The following PCSK5 variants were observed in gnomAD, a reference collection of about 807,000 sequenced individuals.
The protein encoded by PCSK5 is proprotein convertase subtilisin/kexin type 5, also known as prohormone convertase 5.
Under a neutral mutation model 233.2 loss-of-function variants are expected in PCSK5, and 129 were observed. That is an observed-to-expected ratio of 0.55 (90% confidence interval 0.48 to 0.64). The LOEUF (loss-of-function observed/expected upper bound fraction) is 0.64, where lower values mean the gene tolerates loss of function less well. PCSK5 is among the 30% of genes least tolerant of loss of function. The pLI is 0.00. For missense variants in PCSK5, 2,076 were observed against 2,430.1 expected (o/e 0.85, Z 3.06); for synonymous variants, 825 against 879.2 (o/e 0.94, Z 1.09).
intron 35 of PCSK5, among the ~76,000 whole-genome samples, chr9:76,350,111 GAAAAA>G (rs33916148): frequency 6.9e-6 from 1 of 144,636 alleles, no homozygotes; most frequent in Admixed American, 6.9e-5. Flanking sequence ...GACCCCATCT[GAAAAA>G]AAAAAAAAAG....
chr9:76,207,098 C>G (rs939014991), intron 20 of PCSK5, among the ~76,000 whole-genome samples: 1 of 152,182 alleles, frequency 6.6e-6, no homozygotes, highest in African/African-American at 2.4e-5. Flanking sequence ...TCACCTTCTT[C>G]TGTAGTAAAT....
Position 76,328,191 on chromosome 9 carries a change from C to A in PCSK5, c.4522C>A (p.Pro1508Thr), listed in dbSNP as rs1463799109. 1 of 1,612,808 alleles carries A rather than the reference C, an allele frequency of 6.2e-7. No homozygotes were observed. The highest frequency in any genetic ancestry group is 2.2e-5 in the East Asian group (1 of 44,880). Residue 1508 changes from proline to threonine, a missense_variant, in exon 33 of 38, where the codon CCG (proline) becomes ACG (threonine). Around this residue, in one of 6 missense-constraint regions of PCSK5, gnomAD observed 1,510 missense variants for 1,538.1 expected, o/e 0.98. Transcript: ENST00000674117. ...CHVKCFHCMGPAEDQCQTCPM... is the reference protein window; with the variant it reads ...CHVKCFHCMGTAEDQCQTCPM... ...TGTTAAGTGCTTCCACTGCATGGGG[C>A]CGGCGGAGGACCAGTGTCAAACATG... is the stretch of plus-strand genomic sequence containing the variant.
At chr9:76,102,186 T>C (rs1459605989) in intron 8 of PCSK5, among the ~76,000 whole-genome samples, 2 of 152,172 alleles carry the variant, frequency 1.3e-5, no homozygotes, top group Non-Finnish European at 2.9e-5. Context: ...AACTCAGCTT[T>C]TTTTTCTTTT....
In PCSK5 at chr9:76,362,691, A is replaced by G. The variant is rs1830447938; in HGVS notation, c.*3769A>G. Among the ~76,000 whole-genome samples the G allele has an allele frequency of 6.6e-6, 1 of 152,260 alleles. No homozygotes were observed. The highest frequency in any genetic ancestry group is 1.5e-5 in the Non-Finnish European group (1 of 68,040). ...CGCTACGCCCTGGGCCTGGCAGTTAAAGATCGACCTCTGACCTAACCGGTT... is the reference window on the plus strand; with the variant it reads ...CGCTACGCCCTGGGCCTGGCAGTTAGAGATCGACCTCTGACCTAACCGGTT... On this transcript the variant is annotated 3_prime_UTR_variant, in exon 38 of 38. Coordinates refer to ENST00000674117, the MANE Select transcript of PCSK5 (RefSeq NM_001372043.1).
At chr9:76,266,899 C>G (rs1827349999) in intron 24 of PCSK5, among the ~76,000 whole-genome samples, 1 of 78,936 alleles carries the variant, frequency 1.3e-5, no homozygotes, top group South Asian at 4.8e-4. Flanking sequence ...ACAACACAGC[C>G]CATCTGGAGC....
intron 1 of PCSK5, among the ~76,000 whole-genome samples, chr9:75,921,354 A>G (rs1235802286): frequency 2.0e-5 from 3 of 152,216 alleles, no homozygotes; most frequent in Non-Finnish European, 4.4e-5. Context: ...CATAGACAAC[A>G]TTGAGCATGA....
intron 4 of PCSK5, among the ~76,000 whole-genome samples, chr9:76,025,554 T>C (rs1299013770): frequency 1.3e-5 from 2 of 152,156 alleles, no homozygotes; most frequent in East Asian, 3.9e-4. Context: ...AGTAAGATGT[T>C]GAGTCACCAT....
chr9:76,330,222 C>T (rs565570478), intron 33 of PCSK5, among the ~76,000 whole-genome samples: 1 of 152,232 alleles, frequency 6.6e-6, no homozygotes, highest in South Asian at 2.1e-4. Context: ...GGCCACGGTC[C>T]CACAGATCAG....
intron 3 of PCSK5, among the ~76,000 whole-genome samples, chr9:76,017,545 C>G (rs1827999802): frequency 6.6e-6 from 1 of 152,146 alleles, no homozygotes; most frequent in Non-Finnish European, 1.5e-5. Context: ...ACACTCAAGT[C>G]ATACAGCTGG....
At chr9:76,226,511 T>G (rs999019359) in intron 20 of PCSK5, among the ~76,000 whole-genome samples, 1 of 152,158 alleles carries the variant, frequency 6.6e-6, no homozygotes, top group Admixed American at 6.5e-5. Flanking sequence ...CGGGTCCTGC[T>G]ATCTCACCCC....
At chr9:76,075,041 A>G (rs1487836081) in intron 7 of PCSK5, among the ~76,000 whole-genome samples, 1 of 152,004 alleles carries the variant, frequency 6.6e-6, no homozygotes, top group Non-Finnish European at 1.5e-5. Context: ...CCAACATGGC[A>G]AAATCCCATC....
intron 24 of PCSK5, among the ~76,000 whole-genome samples, chr9:76,263,795 AAAAAG>A (rs1054584211): frequency 6.6e-6 from 1 of 151,978 alleles, no homozygotes; most frequent in African/African-American, 2.4e-5. Flanking sequence ...AAAAGAAAAA[AAAAAG>A]AAATCAGAGA....
chr9:76,038,768 A>C (rs1312138963), intron 5 of PCSK5, among the ~76,000 whole-genome samples: 1 of 152,220 alleles, frequency 6.6e-6, no homozygotes, highest in Non-Finnish European at 1.5e-5. Context: ...AGCTCCATTG[A>C]CAACCATGTA....
At chr9:76,235,724 C>T (rs1826231689) in intron 22 of PCSK5, among the ~76,000 whole-genome samples, 1 of 152,154 alleles carries the variant, frequency 6.6e-6, no homozygotes, top group Non-Finnish European at 1.5e-5. Context: ...GAAGCAGCAT[C>T]ACTTCCAGCT....
At chr9:76,063,494 G>C in intron 5 of PCSK5, among the ~76,000 whole-genome samples, 1 of 93,414 alleles carries the variant, frequency 1.1e-5, no homozygotes, top group Non-Finnish European at 2.1e-5. Flanking sequence ...CAGTGTTTGT[G>C]TCCCTGATTA....
At chr9:76,329,905 T>C (rs1829477915) in intron 33 of PCSK5, among the ~76,000 whole-genome samples, 1 of 152,082 alleles carries the variant, frequency 6.6e-6, no homozygotes. Flanking sequence ...TTGCCCGTGA[T>C]CAGTTGCAGA....
chr9:75,945,509 A>T (rs1824525860), intron 2 of PCSK5, among the ~76,000 whole-genome samples: 1 of 152,132 alleles, frequency 6.6e-6, no homozygotes, highest in African/African-American at 2.4e-5. Context: ...TCCCACCATC[A>T]GTGTTGACCT....
intron 24 of PCSK5, among the ~76,000 whole-genome samples, chr9:76,247,195 G>C (rs111292201): frequency 2.3e-4 from 35 of 152,218 alleles, no homozygotes; most frequent in Non-Finnish European, 4.8e-4. Context: ...GATCTGGAGG[G>C]ATGGAAGTCA....
At chr9:76,005,773 C>T (rs1827451142) in intron 3 of PCSK5, among the ~76,000 whole-genome samples, 1 of 152,258 alleles carries the variant, frequency 6.6e-6, no homozygotes, top group East Asian at 1.9e-4. Flanking sequence ...TCATTAAGGG[C>T]TAGGATAGTT....
Sources: allele counts gnomAD v4.1 joint callset (sites outside exome capture counted in the v4.1 genomes callset), GRCh38; gene constraint gnomAD v4.1.1; regional missense constraint gnomAD v4.1.1; transcripts MANE v1.5; gene names NCBI Gene and HGNC (gene_info 2026-07-23, HGNC 2026-07-21).